Variants in XK observed in about 807,000 individuals in gnomAD.
XK encodes endoplasmic reticulum membrane adapter protein XK.
In XK, 2 loss-of-function variants were observed where a neutral mutation model predicts 14.0. The observed-to-expected ratio is 0.14, with a 90% CI of 0.06 to 0.45. The LOEUF (loss-of-function observed/expected upper bound fraction) is 0.45. Ranked by LOEUF, XK falls within the 20% of genes least tolerant of loss-of-function variation. XK has a pLI of 0.98. For synonymous variants in XK, 149 were observed against 147.5 expected (o/e 1.01, Z -0.08); for missense variants, 235 against 341.5 (o/e 0.69, Z 2.46).
At chrX:37,727,601 G>A in intron 2 of XK, 35 bp from the exon 3 acceptor site, 4 of 1,145,029 alleles carry the variant, frequency 3.5e-6, no homozygotes, top group Non-Finnish European at 4.7e-6. Flanking sequence ...CCTAGTGGAG[G>A]TGAGACTTGA....
At chrX:37,722,618 C>T (rs781913005) in intron 2 of XK, among the ~76,000 whole-genome samples, 27 of 112,525 alleles carry the variant, frequency 2.4e-4, no homozygotes, top group South Asian at 1.8e-3. Context: ...CCTTTGGCTT[C>T]GCCAGTTACC....
intron 2 of XK, among the ~76,000 whole-genome samples, chrX:37,698,714 G>A (rs1927353096): frequency 9.0e-6 from 1 of 110,511 alleles, no homozygotes; most frequent in Non-Finnish European, 1.9e-5. Context: ...ATAAAGTGGT[G>A]AATAAGGTAG....
chrX:37,701,384 G>A (rs1927413454), intron 2 of XK, among the ~76,000 whole-genome samples: 1 of 112,491 alleles, frequency 8.9e-6, no homozygotes, highest in East Asian at 2.8e-4. Context: ...TTTAAAAAAG[G>A]TGTCACATCA....
chrX:37,689,802 A>G (rs951961419), intron 1 of XK, among the ~76,000 whole-genome samples: 7 of 112,383 alleles, frequency 6.2e-5, no homozygotes, highest in African/African-American at 1.6e-4. Context: ...CTTATTGCGC[A>G]TTATAATAGA....
chrX:37,704,767 G>A (rs782531750), intron 2 of XK, among the ~76,000 whole-genome samples: 7 of 111,210 alleles, frequency 6.3e-5, no homozygotes, highest in South Asian at 3.8e-4. Flanking sequence ...CCCTGGAGGT[G>A]GAGGTGGCAG....
intron 2 of XK, among the ~76,000 whole-genome samples, chrX:37,727,177 G>T (rs922698640): frequency 9.0e-6 from 1 of 111,555 alleles, no homozygotes; most frequent in Non-Finnish European, 1.9e-5. Context: ...GATGTAAGGA[G>T]TGTGGAAGAA....
intron 2 of XK, among the ~76,000 whole-genome samples, chrX:37,717,599 C>G (rs1205438416): frequency 9.0e-6 from 1 of 111,729 alleles, no homozygotes; most frequent in African/African-American, 3.2e-5. Flanking sequence ...CAAAATCACT[C>G]AGGACCTCTG....
At chrX:37,704,760 T>A (rs1056010512) in intron 2 of XK, among the ~76,000 whole-genome samples, 1 of 110,152 alleles carries the variant, frequency 9.1e-6, no homozygotes, top group Admixed American at 9.6e-5. Flanking sequence ...GCTTGAACCC[T>A]GGAGGTGGAG....
chrX:37,696,430 CT>C lies in XK; in HGVS notation c.508+1883del, dbSNP rs1446771424. Among the ~76,000 whole-genome samples, 4 of 112,599 alleles carry C rather than the reference CT, an allele frequency of 3.6e-5. No homozygotes were observed. The East Asian group carries it at 1.1e-3, about 31-fold the overall frequency. On this transcript the variant is annotated intron_variant, in intron 2 of 2. Coordinates refer to ENST00000378616, the MANE Select transcript of XK (RefSeq NM_021083.4). ...AAGAACTTGGAAAAACAGAAGTCCT[CT>C]GAGAGTTAAATGATAAATCAAATAG...
rs1372730079 is a variant in XK, at chrX:37,729,746, A to T, written c.*1284A>T. 1 of 111,703 alleles carries T rather than the reference A, an allele frequency of 9.0e-6. No homozygotes were observed. The highest frequency in any genetic ancestry group is 1.9e-5 in the Non-Finnish European group (1 of 53,087). 9.2% of individuals were successfully genotyped at this position (111,703 alleles called of 1,213,427 possible). ...GTGACCATAAAGATCACACCAATTT[A>T]GAATGAATATTAAAGTCTGAGAAAT... On this transcript the variant is annotated 3_prime_UTR_variant, in exon 3 of 3. Coordinates refer to ENST00000378616, the MANE Select transcript of XK (RefSeq NM_021083.4).
At chrX:37,712,051 T>A (rs1300241616) in intron 2 of XK, among the ~76,000 whole-genome samples, 2 of 111,657 alleles carry the variant, frequency 1.8e-5, no homozygotes, top group African/African-American at 6.5e-5. Context: ...GAATTAGTGA[T>A]TTCAGAGGTG....
At chrX:37,724,108 G>A (rs1556449527) in intron 2 of XK, among the ~76,000 whole-genome samples, 1 of 111,393 alleles carries the variant, frequency 9.0e-6, no homozygotes, top group Non-Finnish European at 1.9e-5. Context: ...GTAAGAGTGA[G>A]CTTCTCTCCC....
In XK at chrX:37,688,059, C is replaced by CTT. The variant is rs1222330719; in HGVS notation, c.245+1871_245+1872dup. On this transcript the variant is annotated intron_variant, in intron 1 of 2. Transcript: ENST00000378616. ...TCTTTCTTTCTTTCTTTCTTTCTTTCTTTTTTTTTTTTTTTTTTTGAGACG... is the reference window on the plus strand; with the variant it reads ...TCTTTCTTTCTTTCTTTCTTTCTTTCTTTTTTTTTTTTTTTTTTTTTGAGACG... 3.4e-3 allele frequency among the ~76,000 whole-genome samples: 188 copies of CTT among 54,597 alleles called. 2 individuals carry two copies. Among genetic ancestry groups the CTT allele is most frequent in the African/African-American group, 0.011 (110 of 9,765 alleles). The allele number at this position is 54,597 out of a possible 115,157, so 47.4% of individuals were successfully genotyped here.
At chrX:37,709,810 C>T (rs1927624625) in intron 2 of XK, among the ~76,000 whole-genome samples, 1 of 111,507 alleles carries the variant, frequency 9.0e-6, no homozygotes, top group Non-Finnish European at 1.9e-5. Context: ...TAGTACTGTG[C>T]ATAGGTAGGA....
chrX:37,715,551 T>C (rs1467588241), intron 2 of XK, among the ~76,000 whole-genome samples: 1 of 111,468 alleles, frequency 9.0e-6, no homozygotes, highest in Non-Finnish European at 1.9e-5. Flanking sequence ...AGAAAAATAT[T>C]TTAGATTTTG....
chrX:37,700,476 G>A (rs1556443540), intron 2 of XK, among the ~76,000 whole-genome samples: 3 of 112,182 alleles, frequency 2.7e-5, no homozygotes, highest in African/African-American at 9.7e-5. Flanking sequence ...TGGGTTGGAG[G>A]TGTCCTTGAG....
intron 1 of XK, among the ~76,000 whole-genome samples, chrX:37,692,050 A>G (rs1298343406): frequency 5.4e-5 from 6 of 111,799 alleles, no homozygotes; most frequent in African/African-American, 1.3e-4. Flanking sequence ...GGAATGTATA[A>G]TGTTTCATTG....
chrX:37,690,526 T>C (rs1927182368), intron 1 of XK, among the ~76,000 whole-genome samples: 1 of 112,277 alleles, frequency 8.9e-6, no homozygotes, highest in South Asian at 3.7e-4. Context: ...TATATGATGC[T>C]TGAAAATGGG....
Position 37,727,799 on chromosome X carries a change from A to C in XK, c.672A>C (p.Val224=), listed in dbSNP as rs1928007314. 2 of 1,209,081 alleles carry C rather than the reference A, an allele frequency of 1.7e-6. No individual in the cohort carries two copies. Among genetic ancestry groups the C allele is most frequent in the Admixed American group, 2.2e-5 (1 of 45,623 alleles). The change falls in exon 3 of 3, where the codon GTA becomes GTC. Residue 224 remains valine, a synonymous_variant. Transcript: ENST00000378616. ...GCTTTGAGATTGCCACTCGAGTTGT[A>C]GTCCTGGTCCTCTTTACCTCCGTCC... is the stretch of plus-strand genomic sequence containing the variant. ...WRSFEIATRV[V]VLVLFTSVLK...
Sources: allele counts gnomAD v4.1 joint callset (sites outside exome capture counted in the v4.1 genomes callset), GRCh38; gene constraint gnomAD v4.1.1; transcripts MANE v1.5; gene names NCBI Gene and HGNC (gene_info 2026-07-23, HGNC 2026-07-21).